KMT2A: variants seen among roughly 807,000 people sequenced by gnomAD.
KMT2A encodes the protein lysine methyltransferase 2A.
In KMT2A, 16 loss-of-function variants were observed where a neutral mutation model predicts 345.3. The ratio of observed to expected loss-of-function variants is 0.05; its 90% CI spans 0.03 to 0.07. The LOEUF is 0.07. Ranked by LOEUF, KMT2A falls within the 10% of genes least tolerant of loss-of-function variation. The probability of loss-of-function intolerance (pLI) is 1.00; values close to 1 mark genes in which losing one functional copy is unlikely to be tolerated. For missense variants in KMT2A, 3,272 were observed against 4,841.6 expected (o/e 0.68, Z 9.62); for synonymous variants, 1,599 against 1,778.6 (o/e 0.90, Z 2.54).
intron 22 of KMT2A, among the ~76,000 whole-genome samples, 180 bp from the exon 23 acceptor site, chr11:118,499,123 T>G (rs1478731925): frequency 6.6e-6 from 1 of 152,206 alleles, no homozygotes; most frequent in Admixed American, 6.5e-5. Flanking sequence ...CTGTTTTGCT[T>G]TTCTACTTGG....
At chr11:118,462,673 C>T (rs1287818926) in intron 1 of KMT2A, among the ~76,000 whole-genome samples, 2 of 152,198 alleles carry the variant, frequency 1.3e-5, no homozygotes, top group African/African-American at 4.8e-5. Flanking sequence ...ATTCTCCTGC[C>T]TCAGCCTCCT....
Position 118,436,677 on chromosome 11 carries a change from C to G in KMT2A, c.165C>G (p.Pro55=), listed in dbSNP as rs1949187704. The G allele has an allele frequency of 1.6e-6, 2 of 1,245,044 alleles. No homozygotes were observed. The highest frequency in any genetic ancestry group is 2.0e-6 in the Non-Finnish European group (2 of 993,270). The allele number at this position is 1,245,044 out of a possible 1,614,324, so 77.1% of individuals were successfully genotyped here. The change falls in exon 1 of 36, where the codon CCC becomes CCG. Residue 55 remains proline (P), a synonymous_variant. Coordinates refer to ENST00000534358, the MANE Select transcript of KMT2A (RefSeq NM_001197104.2). This position sits in a 1 kb window ranked among gnomAD's most constrained non-coding sequence, Gnocchi z 6.9. ...PVGGGGPGAP[P]SPPAVAAAAA... ...GCGGTGGCGGCCCCGGGGCGCCCCC[C>G]TCCCCCCCGGCTGTGGCGGCCGCGG...
In KMT2A at chr11:118,436,971, C is replaced by G; in HGVS notation, c.432+27C>G. 7.0e-7 allele frequency: 1 copy of G among 1,427,266 alleles called. No individual in the cohort carries two copies. Among genetic ancestry groups the G allele is most frequent in the East Asian group, 2.8e-5 (1 of 35,356 alleles). 88.4% of individuals were successfully genotyped at this position (1,427,266 alleles called of 1,614,324 possible). A position where few individuals can be genotyped will look rare whatever the true frequency, so the allele number is the denominator to read the frequency against. On this transcript the variant is annotated intron_variant, in intron 1 of 35. Transcript: ENST00000534358. The surrounding 1 kb of genome is among the most constrained non-coding windows in gnomAD (Gnocchi z 6.9). The stretch of plus-strand genomic sequence containing the variant: ...TAAGGGGGCGAGGAACCCCCAGGTC[C>G]GGGGTCTCGACCCTCTGCGGAGCCC...
rs1039800407 is a variant in KMT2A at position 118,476,132 on chromosome 11, C to T, written c.3157-673C>T. 5.3e-5 allele frequency among the ~76,000 whole-genome samples: 8 copies of T among 152,118 alleles called. No individual in the cohort carries two copies. The highest frequency in any genetic ancestry group is 1.0e-4 in the Non-Finnish European group (7 of 67,980). On this transcript the variant is annotated intron_variant, in intron 3 of 35. Coordinates refer to ENST00000534358, the MANE Select transcript of KMT2A (RefSeq NM_001197104.2). This position sits in a 1 kb window ranked among gnomAD's most constrained non-coding sequence, Gnocchi z 4.1. Reference sequence around the variant, plus strand: ...GTTGGTCAGGCTGGTCTCAAACTCCCGACCTCAGGTGATCTACCCGCCTCG... The same window carrying T: ...GTTGGTCAGGCTGGTCTCAAACTCCTGACCTCAGGTGATCTACCCGCCTCG...
rs79406650 is a variant in KMT2A, at chr11:118,526,457, T to C, written c.*4285T>C. ...TTAGTAAATACAGGTAGTTGAATAA[T>C]TGTTTCAAGAGCTCAACAGATGACA... is the stretch of plus-strand genomic sequence containing the variant. On this transcript the variant is annotated 3_prime_UTR_variant, in exon 36 of 36. Coordinates refer to ENST00000534358, the MANE Select transcript of KMT2A (RefSeq NM_001197104.2). 80 of 229,466 alleles carry C rather than the reference T, an allele frequency of 3.5e-4. No homozygotes were observed. In the East Asian group the frequency reaches 4.9e-3, roughly 14 times the overall value. 14.2% of individuals were successfully genotyped at this position (229,466 alleles called of 1,614,324 possible).
At chr11:118,461,803 T>C (rs1295149157) in intron 1 of KMT2A, among the ~76,000 whole-genome samples, 1 of 152,222 alleles carries the variant, frequency 6.6e-6, no homozygotes, top group Non-Finnish European at 1.5e-5. Flanking sequence ...GATTTCTAGA[T>C]AAGTTTAAAT....
rs781916022 is a variant in KMT2A at position 118,521,100 on chromosome 11, C to T, written c.11514-188C>T. The T allele has an allele frequency of 6.2e-5, 42 of 682,348 alleles. No homozygotes were observed. Among genetic ancestry groups the T allele is most frequent in the Non-Finnish European group, 1.0e-4 (40 of 397,680 alleles). The allele number at this position is 682,348 out of a possible 1,614,324, so 42.3% of individuals were successfully genotyped here. On this transcript the variant is annotated intron_variant, in intron 34 of 35. Transcript: ENST00000534358. The surrounding 1 kb of genome is among the most constrained non-coding windows in gnomAD (Gnocchi z 5.3). ...AAATATTACTGCTTCCAGCGGGTCACAGAATGGAAATAACTTTCATCTTTG... is the reference window on the plus strand; with the variant it reads ...AAATATTACTGCTTCCAGCGGGTCATAGAATGGAAATAACTTTCATCTTTG...
At chr11:118,437,967 C>A (rs559933522) in intron 1 of KMT2A, among the ~76,000 whole-genome samples, 1 of 152,130 alleles carries the variant, frequency 6.6e-6, no homozygotes, top group Non-Finnish European at 1.5e-5. Context: ...TCTCCTACCC[C>A]ACCCACTGCG....
At chr11:118,511,247 C>T (rs1950682320) in intron 30 of KMT2A, among the ~76,000 whole-genome samples, 1 of 151,884 alleles carries the variant, frequency 6.6e-6, no homozygotes, top group African/African-American at 2.4e-5. Flanking sequence ...AGCCCACATT[C>T]GGTGGGAAAA....
chr11:118,494,433 T>C lies in KMT2A; in HGVS notation c.5289+35T>C. The C allele has an allele frequency of 9.0e-7, 1 of 1,115,046 alleles. No individual in the cohort carries two copies. The highest frequency in any genetic ancestry group is 1.4e-6 in the Non-Finnish European group (1 of 731,580). The allele number at this position is 1,115,046 out of a possible 1,614,324, so 69.1% of individuals were successfully genotyped here. A position where few individuals can be genotyped will look rare whatever the true frequency, so the allele number is the denominator to read the frequency against. ...ATTACTAATTCATGTTTTTAATGCT[T>C]ACCTATAAGTAATTACCCTGTGAAT... On this transcript the variant is annotated intron_variant, in intron 17 of 35. Coordinates refer to ENST00000534358, the MANE Select transcript of KMT2A (RefSeq NM_001197104.2). This position sits in a 1 kb window ranked among gnomAD's most constrained non-coding sequence, Gnocchi z 5.8.
intron 5 of KMT2A, 80 bp from the exon 6 acceptor site, chr11:118,480,094 T>C: frequency 9.2e-7 from 1 of 1,085,686 alleles, no homozygotes; most frequent in African/African-American, 1.6e-5. Context: ...TCACTGATTG[T>C]TGCAGACAAA....
Position 118,472,786 on chromosome 11 carries a change from A to G in KMT2A, c.1627A>G (p.Thr543Ala). The stretch of plus-strand genomic sequence containing the variant: ...GGAGAGAAGTTTTGGATCTAGAACG[A>G]CGAAAAAATTATCAACTCTACAAAG... ...VSERSFGSRT[T>A]KKLSTLQSAP... Residue 543 changes from threonine (T) to alanine (A), a missense_variant, in exon 3 of 36, where the codon ACG becomes GCG. This residue lies in a region of KMT2A where 180 missense variants were observed against 190.7 expected (regional missense o/e 0.94). Coordinates refer to ENST00000534358, the MANE Select transcript of KMT2A (RefSeq NM_001197104.2). 2 of 1,613,776 alleles carry G rather than the reference A, an allele frequency of 1.2e-6. No individual in the cohort carries two copies. The highest frequency in any genetic ancestry group is 2.2e-5 in the East Asian group (1 of 44,858).
intron 7 of KMT2A, 100 bp from the exon 8 acceptor site, chr11:118,482,322 G>GTTTT: frequency 2.3e-4 from 156 of 678,866 alleles, no homozygotes; most frequent in South Asian, 7.7e-4. Context: ...AGTTTAAATA[G>GTTTT]TTTTTTTTTT....
At chr11:118,437,086 G>A in intron 1 of KMT2A, 142 bp downstream of exon 1, 2 of 1,038,762 alleles carry the variant, frequency 1.9e-6, no homozygotes, top group Non-Finnish European at 2.6e-6. Flanking sequence ...CTCCCATCTT[G>A]GGACCCCCAT....
At chr11:118,492,636 G>A (rs1041478847) in intron 15 of KMT2A, among the ~76,000 whole-genome samples, 5 of 152,308 alleles carry the variant, frequency 3.3e-5, no homozygotes, top group South Asian at 2.1e-4. Context: ...CCGAGATCGC[G>A]CCACTGCACT....
In KMT2A at chr11:118,472,002, C is replaced by A. The variant is rs782024189; in HGVS notation, c.843C>A (p.Leu281=). Residue 281 remains leucine (L), a synonymous_variant, in exon 3 of 36, where the codon CTC becomes CTA. Coordinates refer to ENST00000534358, the MANE Select transcript of KMT2A (RefSeq NM_001197104.2). ...KKLRAGKLSP[L]KSKFKTGKLQ... is the part of the protein sequence containing the mutation. ...TAAGAGCAGGTAAACTCTCTCCTCT[C>A]AAGTCTAAGTTTAAGACAGGGAAGC... The A allele has an allele frequency of 3.7e-6, 6 of 1,613,862 alleles. No individual in the cohort carries two copies. The highest frequency in any genetic ancestry group is 1.3e-5 in the African/African-American group (1 of 74,908).
chr11:118,484,022 A>T lies in KMT2A; in HGVS notation c.4087-161A>T, dbSNP rs1459631356. On this transcript the variant is annotated intron_variant, in intron 8 of 35. Transcript: ENST00000534358. The surrounding 1 kb of genome is among the most constrained non-coding windows in gnomAD (Gnocchi z 4.1). The stretch of plus-strand genomic sequence containing the variant: ...ATTGCAGCCTAGGCAACAAAGCAAG[A>T]CCCAGTCTCTTTTAAAAAAAAATTC... Among the ~76,000 whole-genome samples the T allele has an allele frequency of 1.3e-5, 2 of 152,010 alleles. No individual in the cohort carries two copies. The highest frequency in any genetic ancestry group is 2.9e-5 in the Non-Finnish European group (2 of 67,994).
rs1950985132 is a variant in KMT2A at position 118,522,199 on chromosome 11, G to A, written c.*27G>A. ...GCTGCTCTTCTCCCCCAGTGTTGGAGTGCAAGGAGGCGGGGCCATCCAAAG... is the reference window on the plus strand; with the variant it reads ...GCTGCTCTTCTCCCCCAGTGTTGGAATGCAAGGAGGCGGGGCCATCCAAAG... On this transcript the variant is annotated 3_prime_UTR_variant, in exon 36 of 36. Coordinates refer to ENST00000534358, the MANE Select transcript of KMT2A (RefSeq NM_001197104.2). The surrounding 1 kb of genome is among the most constrained non-coding windows in gnomAD (Gnocchi z 5.4). 3 of 1,609,234 alleles carry A rather than the reference G, an allele frequency of 1.9e-6. No homozygotes were observed. The highest frequency in any genetic ancestry group is 2.6e-6 in the Non-Finnish European group (3 of 1,176,184).
At chr11:118,441,295 A>C (rs1319446784) in intron 1 of KMT2A, among the ~76,000 whole-genome samples, 1 of 152,046 alleles carries the variant, frequency 6.6e-6, no homozygotes, top group East Asian at 1.9e-4. Context: ...ATATCAGATT[A>C]TACATTTGCC....
Sources: allele counts gnomAD v4.1 joint callset (sites outside exome capture counted in the v4.1 genomes callset), GRCh38; gene constraint gnomAD v4.1.1; regional missense constraint gnomAD v4.1.1; non-coding constraint Gnocchi (gnomAD v3.1); transcripts MANE v1.5; gene names NCBI Gene and HGNC (gene_info 2026-07-23, HGNC 2026-07-21).